PPP1R14D: variants seen among roughly 807,000 people sequenced by gnomAD.
PPP1R14D encodes protein phosphatase 1 regulatory inhibitor subunit 14D, also known as protein phosphatase 1 regulatory subunit 14D.
A neutral mutation model predicts 17.1 loss-of-function variants in PPP1R14D; 14 were observed. That is an observed-to-expected ratio of 0.82 (90% CI 0.54 to 1.28). The LOEUF (loss-of-function observed/expected upper bound fraction) is 1.28, where lower values mean the gene tolerates loss of function less well. PPP1R14D is among the 50% of genes most tolerant of loss of function. PPP1R14D has a pLI of 0.00. For synonymous variants in PPP1R14D, 67 were observed against 66.1 expected (o/e 1.01, Z -0.06); for missense variants, 173 against 179.2 (o/e 0.97, Z 0.20).
At chr15:40,821,329 T>C (rs925934821) in intron 1 of PPP1R14D, among the ~76,000 whole-genome samples, 1 of 151,984 alleles carries the variant, frequency 6.6e-6, no homozygotes, top group Non-Finnish European at 1.5e-5. Context: ...AGTGAGAGTC[T>C]GTCTCAAAAC....
At chr15:40,823,407 G>C (rs1890817402) in intron 1 of PPP1R14D, among the ~76,000 whole-genome samples, 1 of 151,994 alleles carries the variant, frequency 6.6e-6, no homozygotes, top group Admixed American at 6.6e-5. Context: ...GTACCCAGCA[G>C]GAAAAAAAGA....
In PPP1R14D at chr15:40,828,708, T is replaced by G. The variant is rs1243050897; in HGVS notation, c.-67A>C. On this transcript the variant is annotated 5_prime_UTR_variant, in exon 1 of 4. Coordinates refer to ENST00000299174, the MANE Select transcript of PPP1R14D (RefSeq NM_017726.8). ...TTCTGAGCAGAGCCACAGAGGGAAG[T>G]GAGGAGACAGAGAACAGGAGAGGCC... 3.3e-6 allele frequency: 5 copies of G among 1,516,030 alleles called. No individual in the cohort carries two copies. Among genetic ancestry groups the G allele is most frequent in the Non-Finnish European group, 3.5e-6 (4 of 1,128,662 alleles). 93.9% of individuals were successfully genotyped at this position (1,516,030 alleles called of 1,614,324 possible).
At chr15:40,818,507 TTAAA>T (rs1345716163) in intron 1 of PPP1R14D, among the ~76,000 whole-genome samples, 4 of 152,070 alleles carry the variant, frequency 2.6e-5, no homozygotes, top group Admixed American at 1.3e-4. Flanking sequence ...CATATGACAG[TTAAA>T]TAAGCCAGTT....
At position 40,825,430 on chromosome 15, in the gene PPP1R14D, C is replaced by T. The variant is rs573626156; in HGVS notation, c.255+2957G>A. Among the ~76,000 whole-genome samples, 4 of 152,236 alleles carry T rather than the reference C, an allele frequency of 2.6e-5. No individual in the cohort carries two copies. In the South Asian group the frequency reaches 8.3e-4, roughly 32 times the overall value. ...AGGCAAATCATGCTCTACCTCCGGA[C>T]AACAGGAGCTCTAGGACCCCAAGTC... On this transcript the variant is annotated intron_variant, in intron 1 of 3. Transcript: ENST00000299174.
At chr15:40,827,292 T>TGAGGTCGA (rs1221846127) in intron 1 of PPP1R14D, among the ~76,000 whole-genome samples, 1 of 152,262 alleles carries the variant, frequency 6.6e-6, no homozygotes, top group East Asian at 1.9e-4. Context: ...GCAGATCACC[T>TGAGGTCGA]GAGGTCGAGA....
intron 1 of PPP1R14D, among the ~76,000 whole-genome samples, chr15:40,822,512 G>T (rs1320751503): frequency 1.3e-5 from 2 of 151,452 alleles, no homozygotes; most frequent in Non-Finnish European, 1.5e-5. Context: ...GGAGTGCAAT[G>T]GCATGATCTC....
chr15:40,815,768 G>T lies in PPP1R14D; in HGVS notation c.373-7C>A. ...GCAGCTCAGAGATAAAAGCCTGAGG[G>T]AGAAACAGGAGTGAGACCAGGCTTG... On this transcript the variant is annotated splice_polypyrimidine_tract_variant and splice_region_variant and intron_variant, in intron 3 of 3. Transcript: ENST00000299174. 1 of 1,602,890 alleles carries T rather than the reference G, an allele frequency of 6.2e-7. No individual in the cohort carries two copies. The highest frequency in any genetic ancestry group is 8.5e-7 in the Non-Finnish European group (1 of 1,172,380).
chr15:40,827,658 C>T (rs1461523253), intron 1 of PPP1R14D, among the ~76,000 whole-genome samples: 1 of 152,050 alleles, frequency 6.6e-6, no homozygotes, highest in East Asian at 1.9e-4. Context: ...TGGTGGTGCA[C>T]ACCTGTAATC....
chr15:40,818,393 G>A (rs1361229865), intron 1 of PPP1R14D, among the ~76,000 whole-genome samples: 1 of 151,776 alleles, frequency 6.6e-6, no homozygotes, highest in Admixed American at 6.6e-5. Flanking sequence ...GTCTTCAGTA[G>A]GTGAATGGAT....
At position 40,815,548 on chromosome 15, in the gene PPP1R14D, G is replaced by T; in HGVS notation, c.*148C>A. 1 of 1,013,302 alleles carries T rather than the reference G, an allele frequency of 9.9e-7. No homozygotes were observed. The highest frequency in any genetic ancestry group is 1.4e-6 in the Non-Finnish European group (1 of 706,410). The allele number at this position is 1,013,302 out of a possible 1,614,324, so 62.8% of individuals were successfully genotyped here. A position where few individuals can be genotyped will look rare whatever the true frequency, so the allele number is the denominator to read the frequency against. ...AGCCCAGCTGACAGAAACTAGCTGT[G>T]ACCACACAGACAGTAGGAGTATGCA... On this transcript the variant is annotated 3_prime_UTR_variant, in exon 4 of 4. Transcript: ENST00000299174.
chr15:40,827,640 G>C (rs1890891313), intron 1 of PPP1R14D, among the ~76,000 whole-genome samples: 1 of 152,128 alleles, frequency 6.6e-6, no homozygotes, highest in African/African-American at 2.4e-5. Context: ...GTAGCTCTAG[G>C]CTGGGCATGG....
At chr15:40,827,876 T>G (rs749883276) in intron 1 of PPP1R14D, among the ~76,000 whole-genome samples, 6 of 152,072 alleles carry the variant, frequency 3.9e-5, no homozygotes, top group Non-Finnish European at 5.9e-5. Context: ...GAGCTGAGAT[T>G]GCACTACTGC....
intron 3 of PPP1R14D, 25 bp from the exon 4 acceptor site, chr15:40,815,786 C>T (rs942434524): frequency 2.5e-6 from 4 of 1,588,976 alleles, no homozygotes; most frequent in South Asian, 2.3e-5. Flanking sequence ...GGAGTGAGAC[C>T]AGGCTTGGGG....
intron 1 of PPP1R14D, among the ~76,000 whole-genome samples, 158 bp from the exon 2 acceptor site, chr15:40,816,411 C>A (rs963758345): frequency 2.0e-5 from 3 of 152,214 alleles, no homozygotes; most frequent in Non-Finnish European, 4.4e-5. Context: ...CAGTAATTTA[C>A]TAAACATATA....
At chr15:40,819,351 C>T (rs1462171111) in intron 1 of PPP1R14D, among the ~76,000 whole-genome samples, 1 of 152,072 alleles carries the variant, frequency 6.6e-6, no homozygotes, top group East Asian at 1.9e-4. Context: ...AGTTCGAGAC[C>T]AGCCTGGCCA....
chr15:40,826,411 A>G (rs1353186651), intron 1 of PPP1R14D, among the ~76,000 whole-genome samples: 1 of 152,206 alleles, frequency 6.6e-6, no homozygotes, highest in East Asian at 1.9e-4. Flanking sequence ...AGCTTGGCGT[A>G]TGGTTCTCAG....
intron 1 of PPP1R14D, among the ~76,000 whole-genome samples, chr15:40,823,136 G>A (rs1890810381): frequency 6.6e-6 from 1 of 151,702 alleles, no homozygotes; most frequent in African/African-American, 2.4e-5. Context: ...GGCTAATTTT[G>A]TATTTTTAGT....
chr15:40,815,813 A>AC, intron 3 of PPP1R14D, 52 bp from the exon 4 acceptor site: 1 of 847,954 alleles, frequency 1.2e-6, no homozygotes, highest in Non-Finnish European at 1.8e-6. Context: ...TTCACCCCCC[A>AC]CCCTGCCCTC....
At chr15:40,822,286 T>A (rs796755368) in intron 1 of PPP1R14D, among the ~76,000 whole-genome samples, 9 of 149,232 alleles carry the variant, frequency 6.0e-5, no homozygotes, top group African/African-American at 2.2e-4. Context: ...AAAGTTCAAG[T>A]CCAGCCTGGG....
Sources: allele counts gnomAD v4.1 joint callset (sites outside exome capture counted in the v4.1 genomes callset), GRCh38; gene constraint gnomAD v4.1.1; transcripts MANE v1.5; gene names NCBI Gene and HGNC (gene_info 2026-07-23, HGNC 2026-07-21).